Variants in ADIPOR2 observed in about 807,000 individuals in gnomAD.
ADIPOR2 encodes adiponectin receptor 2, also known as adiponectin receptor protein 2.
Under a neutral mutation model 40.9 loss-of-function variants are expected in ADIPOR2, and 18 were observed. The observed-to-expected ratio is 0.44, with a 90% CI of 0.30 to 0.65. The LOEUF is 0.65. Ranked by LOEUF, ADIPOR2 falls within the 30% of genes least tolerant of loss-of-function variation. The pLI, the probability that ADIPOR2 is intolerant of heterozygous loss-of-function variation, is 0.09. For synonymous variants in ADIPOR2, 165 were observed against 166.4 expected, an observed-to-expected ratio of 0.99 and a Z score of 0.06; for missense variants, 283 against 479.2, an observed-to-expected ratio of 0.59 and a Z score of 3.82.
At chr12:1,695,394 C>T (rs1303352587) in intron 1 of ADIPOR2, among the ~76,000 whole-genome samples, 11 of 151,624 alleles carry the variant, frequency 7.3e-5, no homozygotes, top group Non-Finnish European at 1.6e-4. Context: ...TGGCTAACGT[C>T]GGTAATCCTT....
intron 1 of ADIPOR2, among the ~76,000 whole-genome samples, chr12:1,726,944 C>T (rs951138149): frequency 2.0e-5 from 3 of 152,176 alleles, no homozygotes; most frequent in Non-Finnish European, 4.4e-5. Flanking sequence ...AACCCTGAGT[C>T]GTCATCTTTC....
intron 1 of ADIPOR2, among the ~76,000 whole-genome samples, chr12:1,747,169 A>T (rs541815428): frequency 2.6e-5 from 4 of 152,258 alleles, no homozygotes; most frequent in African/African-American, 7.2e-5. Context: ...TATTTTTCTC[A>T]AGTGCACATA....
At chr12:1,708,186 G>GTTTTT (rs34873246) in intron 1 of ADIPOR2, among the ~76,000 whole-genome samples, 1 of 145,030 alleles carries the variant, frequency 6.9e-6, no homozygotes. Context: ...GCAAATATGG[G>GTTTTT]TTTTTTTTTT....
At chr12:1,768,310 C>T (rs923493639) in intron 2 of ADIPOR2, among the ~76,000 whole-genome samples, 4 of 152,188 alleles carry the variant, frequency 2.6e-5, no homozygotes, top group Non-Finnish European at 5.9e-5. Flanking sequence ...TCTAGATGAA[C>T]TAGTCTCTTT....
At chr12:1,754,618 A>T in intron 2 of ADIPOR2, 104 bp downstream of exon 2, 1 of 1,157,482 alleles carries the variant, frequency 8.6e-7, no homozygotes, top group Non-Finnish European at 1.2e-6. Flanking sequence ...TGGAGGGAGG[A>T]TGGGGTGGTA....
chr12:1,785,951 C>G lies in ADIPOR2; in HGVS notation c.1040C>G (p.Ser347Cys). The G allele has an allele frequency of 6.2e-7, 1 of 1,614,116 alleles. No homozygotes were observed. Among genetic ancestry groups the G allele is most frequent in the Non-Finnish European group, 8.5e-7 (1 of 1,179,992 alleles). The change falls in exon 8 of 8, where the codon TCT becomes TGT. Residue 347 changes from serine to cysteine, a missense_variant. This residue lies in a region of ADIPOR2 where 106 missense variants were observed against 149.7 expected (regional missense o/e 0.71). Transcript: ENST00000357103. Reference sequence around the variant, plus strand: ...TTCTTTTTTCCCCTCCAGTTTCACTCTCATCAGCTGTTTCATATCTTTGTG... The same window carrying G: ...TTCTTTTTTCCCCTCCAGTTTCACTGTCATCAGCTGTTTCATATCTTTGTG... ...FPGKCDIWFH[S>C]HQLFHIFVVA...
intron 2 of ADIPOR2, among the ~76,000 whole-genome samples, chr12:1,770,069 G>A (rs776196994): frequency 7.9e-5 from 12 of 151,334 alleles, no homozygotes; most frequent in Non-Finnish European, 1.5e-4. Context: ...AGACAGGCAC[G>A]CAACACCACT....
chr12:1,730,251 G>C (rs1734051281), intron 1 of ADIPOR2, among the ~76,000 whole-genome samples: 2 of 151,184 alleles, frequency 1.3e-5, no homozygotes, highest in Non-Finnish European at 1.5e-5. Context: ...CAAAAACTTA[G>C]GGGGAAAAGT....
At chr12:1,782,909 A>T (rs1326998051) in intron 6 of ADIPOR2, among the ~76,000 whole-genome samples, 1 of 148,656 alleles carries the variant, frequency 6.7e-6, no homozygotes, top group South Asian at 2.1e-4. Flanking sequence ...GTGCCCAGTT[A>T]TAGGTTATAG....
At chr12:1,749,553 G>A (rs7978783) in intron 1 of ADIPOR2, among the ~76,000 whole-genome samples, 83,969 of 151,996 alleles carry the variant, frequency 0.55, 23,837 homozygotes, top group African/African-American at 0.68. Flanking sequence ...TGGGTTCTCT[G>A]TTCTGTTCTG....
intron 1 of ADIPOR2, among the ~76,000 whole-genome samples, chr12:1,748,403 C>T (rs866661742): frequency 2.6e-5 from 4 of 152,060 alleles, no homozygotes; most frequent in South Asian, 2.1e-4. Context: ...TGCCCGCCAC[C>T]ACGCCTGGCT....
chr12:1,727,633 G>A (rs1194185958), intron 1 of ADIPOR2, among the ~76,000 whole-genome samples: 2 of 152,024 alleles, frequency 1.3e-5, no homozygotes, highest in Non-Finnish European at 2.9e-5. Flanking sequence ...AGCCTCAGTG[G>A]ATTCCAAGAA....
At chr12:1,751,688 A>C (rs549692952) in intron 1 of ADIPOR2, among the ~76,000 whole-genome samples, 1 of 150,200 alleles carries the variant, frequency 6.7e-6, no homozygotes, top group Non-Finnish European at 1.5e-5. Flanking sequence ...CTAATTAAAA[A>C]AATTTTTTTT....
At chr12:1,765,547 G>A (rs974832550) in intron 2 of ADIPOR2, among the ~76,000 whole-genome samples, 6 of 152,164 alleles carry the variant, frequency 3.9e-5, no homozygotes, top group Admixed American at 1.3e-4. Flanking sequence ...GGCATGTAGT[G>A]TATAATAAAT....
At chr12:1,784,125 G>T in intron 7 of ADIPOR2, 52 bp downstream of exon 7, 2 of 1,446,340 alleles carry the variant, frequency 1.4e-6, no homozygotes, top group Non-Finnish European at 1.8e-6. Context: ...TGAGTTATTG[G>T]CATCCTGCAG....
At chr12:1,748,002 A>T (rs1392930638) in intron 1 of ADIPOR2, among the ~76,000 whole-genome samples, 4 of 151,478 alleles carry the variant, frequency 2.6e-5, no homozygotes, top group African/African-American at 4.9e-5. Flanking sequence ...ATTTCTTTGA[A>T]TTTTTTTTCC....
chr12:1,719,278 G>A (rs1299016420), intron 1 of ADIPOR2, among the ~76,000 whole-genome samples: 5 of 151,912 alleles, frequency 3.3e-5, no homozygotes, highest in African/African-American at 1.2e-4. Flanking sequence ...CCCATTTCTT[G>A]ACAGTTTCTT....
intron 1 of ADIPOR2, chr12:1,696,187 T>C (rs1247907762): frequency 6.5e-6 from 1 of 152,904 alleles, no homozygotes; most frequent in African/African-American, 2.4e-5. Flanking sequence ...ATTTTTTCCT[T>C]AGTTGAGCCA....
Position 1,745,709 on chromosome 12 carries a change from A to G in ADIPOR2, c.-86-8549A>G, listed in dbSNP as rs2094753543. ...CAGTGATTTTACCATTCTTCCACTC[A>G]AACTTCACCATAAATTTGATGTTTT... On this transcript the variant is annotated intron_variant, in intron 1 of 7. Coordinates refer to ENST00000357103, the MANE Select transcript of ADIPOR2 (RefSeq NM_024551.3). Among the ~76,000 whole-genome samples the G allele has an allele frequency of 1.3e-5, 2 of 152,184 alleles. 1 individual carries two copies. The highest frequency in any genetic ancestry group is 4.1e-4 in the South Asian group (2 of 4,830).
Sources: allele counts gnomAD v4.1 joint callset (sites outside exome capture counted in the v4.1 genomes callset), GRCh38; gene constraint gnomAD v4.1.1; regional missense constraint gnomAD v4.1.1; transcripts MANE v1.5; gene names NCBI Gene and HGNC (gene_info 2026-07-23, HGNC 2026-07-21).